The following DNAJB1 variants were observed in gnomAD, a reference collection of about 807,000 sequenced individuals.
DNAJB1 encodes DnaJ heat shock protein family (Hsp40) member B1.
In DNAJB1, 14 loss-of-function variants were observed where a neutral mutation model predicts 24.0. The observed-to-expected ratio is 0.58, with a 90% CI of 0.39 to 0.91. The LOEUF (loss-of-function observed/expected upper bound fraction) is 0.91, where lower values mean the gene tolerates loss of function less well. Ranked by LOEUF, DNAJB1 falls within the 40% of genes least tolerant of loss-of-function variation. The pLI is 0.00. For missense variants in DNAJB1, 517 were observed against 458.1 expected (o/e 1.13, Z -1.17); for synonymous variants, 262 against 174.4 (o/e 1.50, Z -3.96).
At chr19:14,533,225 A>G (rs2072739201), upstream of DNAJB1, among the ~76,000 whole-genome samples, 1 of 152,196 alleles carries the variant, frequency 6.6e-6, no homozygotes, top group Admixed American at 6.6e-5. Context: ...GTTTGAGACC[A>G]GCCTGGCCAA....
intron 2 of DNAJB1, 59 bp downstream of exon 2, chr19:14,516,407 A>G: frequency 6.5e-7 from 1 of 1,545,294 alleles, no homozygotes; most frequent in South Asian, 1.2e-5. Context: ...AGCAAATACT[A>G]AACTGCTTCA....
rs533380690 is a variant in DNAJB1, at chr19:14,537,744, GTTT to G, written c.-213-9937_-213-9935del. Among the ~76,000 whole-genome samples the G allele has an allele frequency of 5.1e-3, 641 of 126,212 alleles. 2 individuals are homozygous for G. Among genetic ancestry groups the G allele is most frequent in the African/African-American group, 0.013 (453 of 34,128 alleles). The allele number at this position is 126,212 out of a possible 152,430, so 82.8% of individuals were successfully genotyped here. ...GTGAATATAGTGCTTAATTATCAGT[GTTT>G]TTTTTTTTTTTTTTTTGAGACGAAG... is the stretch of plus-strand genomic sequence containing the variant. On this transcript the variant is annotated intron_variant, in intron 1 of 3. Transcript: ENST00000676982.
upstream of DNAJB1, chr19:14,518,456 AGCCCCCTCCAGAACCTTCCGCCCCGCCC>A (rs2146525111): frequency 2.1e-6 from 2 of 932,376 alleles, no homozygotes; most frequent in East Asian, 3.3e-5. Flanking sequence ...AGAGCCCGCC[AGCCCCCTCCAGAACCTTCCGCCCCGCCC>A]GCCCCCGCGG....
At position 14,514,916 on chromosome 19, in the gene DNAJB1, C is replaced by T. The variant is rs1328718801; in HGVS notation, c.*1024G>A. 6.6e-6 allele frequency: 1 copy of T among 152,620 alleles called. No homozygotes were observed. Among genetic ancestry groups the T allele is most frequent in the Non-Finnish European group, 1.5e-5 (1 of 68,080 alleles). The allele number at this position is 152,620 out of a possible 1,614,324, so 9.5% of individuals were successfully genotyped here. The stretch of plus-strand genomic sequence containing the variant: ...GGAACAGACATTTGTTCCAACTCCC[C>T]TTCCCTCCCCAAGATTTCTTCAGAA... On this transcript the variant is annotated 3_prime_UTR_variant, in exon 3 of 3. Transcript: ENST00000254322.
At chr19:14,556,516 C>T (rs996378502) in intron 1 of DNAJB1, among the ~76,000 whole-genome samples, 2 of 152,120 alleles carry the variant, frequency 1.3e-5, no homozygotes, top group Non-Finnish European at 2.9e-5. Context: ...CTGCCCCCAC[C>T]CCCTGCTTGC....
Position 14,518,252 on chromosome 19 carries a change from G to A in DNAJB1, c.98C>T (p.Pro33Leu), listed in dbSNP as rs1002030787. 2 of 1,608,100 alleles carry A rather than the reference G, an allele frequency of 1.2e-6. No homozygotes were observed. The highest frequency in any genetic ancestry group is 1.7e-6 in the Non-Finnish European group (2 of 1,177,896). ...GGCGCCGGGCTCCTTGTTCTTGTCC[G>A]GGTGGTAGCGCAGCGCCTGGCGGCG... ...AYRRQALRYHPDKNKEPGAEE... is the reference protein window; with the variant it reads ...AYRRQALRYHLDKNKEPGAEE... Residue 33 changes from proline (P) to leucine (L), a missense_variant, in exon 1 of 3, where the codon CCG (proline) becomes CTG (leucine). By Grantham distance (98) the Pro-to-Leu change is moderately conservative. Transcript: ENST00000254322.
intron 1 of DNAJB1, among the ~76,000 whole-genome samples, chr19:14,541,128 T>G (rs1038550065): frequency 6.6e-6 from 1 of 152,116 alleles, no homozygotes; most frequent in Non-Finnish European, 1.5e-5. Flanking sequence ...TCCCGGCCAG[T>G]GCCTGGCTAA....
upstream of DNAJB1, among the ~76,000 whole-genome samples, chr19:14,552,178 T>C (rs1420154384): frequency 4.0e-5 from 6 of 149,766 alleles, no homozygotes; most frequent in East Asian, 1.9e-4. Context: ...TTTTCTTTTT[T>C]TTTTTTTTTG....
chr19:14,545,058 C>G, intron 1 of DNAJB1: 1 of 456,504 alleles, frequency 2.2e-6, no homozygotes, highest in Non-Finnish European at 4.4e-6. Context: ...GTTTCTAAGC[C>G]TCTCACCACT....
chr19:14,553,525 T>C (rs1225434613), upstream of DNAJB1, among the ~76,000 whole-genome samples: 1 of 152,144 alleles, frequency 6.6e-6, no homozygotes, highest in Non-Finnish European at 1.5e-5. Context: ...GTGGTATTTC[T>C]GGCCGAGCAG....
At chr19:14,543,415 ATATATTTTTTTTTTTTTTTTTTTTTTT>A (rs1265630705) in intron 1 of DNAJB1, among the ~76,000 whole-genome samples, 34 of 9,488 alleles carry the variant, frequency 3.6e-3, no homozygotes, top group Non-Finnish European at 2.6e-3. Flanking sequence ...ATATATATAT[ATATATTTTTTTTTTTTTTTTTTTTTTT>A]TTTTTTTTTT....
intron 2 of DNAJB1, chr19:14,527,687 C>A (rs2072456131): frequency 6.6e-6 from 1 of 152,210 alleles, no homozygotes; most frequent in Admixed American, 6.6e-5. Flanking sequence ...ACTGACTCAC[C>A]CTTGCCTCCG....
chr19:14,522,219 G>T (rs935264383), upstream of DNAJB1, among the ~76,000 whole-genome samples: 1 of 152,058 alleles, frequency 6.6e-6, no homozygotes, highest in African/African-American at 2.4e-5. Context: ...ATGTTGATGC[G>T]GTTAGGTTAG....
chr19:14,550,797 C>T (rs1372438795), upstream of DNAJB1, among the ~76,000 whole-genome samples: 1 of 151,922 alleles, frequency 6.6e-6, no homozygotes, highest in Non-Finnish European at 1.5e-5. Flanking sequence ...TCTCCTGTCT[C>T]AGCCTCCCCC....
At chr19:14,553,507 T>G (rs568376484), upstream of DNAJB1, among the ~76,000 whole-genome samples, 20 of 152,142 alleles carry the variant, frequency 1.3e-4, no homozygotes, top group Non-Finnish European at 2.4e-4. Context: ...CTGAGGCCAC[T>G]GGGGAAGGTG....
upstream of DNAJB1, among the ~76,000 whole-genome samples, chr19:14,551,968 TCTCTTTCTCTC>T (rs2146604246): frequency 8.2e-6 from 1 of 121,870 alleles, no homozygotes; most frequent in African/African-American, 3.0e-5. Context: ...TCTCTCTCTC[TCTCTTTCTCTC>T]TTTTTTTTTT....
rs118141661 is a variant in DNAJB1, at chr19:14,559,742, G to A, written c.-2166+289C>T. Among the ~76,000 whole-genome samples the A allele has an allele frequency of 5.6e-3, 848 of 151,368 alleles. 8 individuals carry two copies. Among genetic ancestry groups the A allele is most frequent in the Non-Finnish European group, 9.2e-3 (627 of 67,900 alleles). On this transcript the variant is annotated intron_variant, in intron 1 of 5. Transcript: ENST00000679223. ...GCGGAGGTTGCAGTGAGTCAAGATC[G>A]CACTGCTGCACTCCAACCTGGGCGA...
chr19:14,535,533 A>AT (rs2072842291), intron 1 of DNAJB1, among the ~76,000 whole-genome samples: 3 of 62,036 alleles, frequency 4.8e-5, no homozygotes, highest in African/African-American at 2.4e-4. Flanking sequence ...AAAAAAAAAA[A>AT]AAAAAAAAAA....
At chr19:14,521,694 T>C (rs2072362157), upstream of DNAJB1, among the ~76,000 whole-genome samples, 1 of 151,856 alleles carries the variant, frequency 6.6e-6, no homozygotes, top group African/African-American at 2.4e-5. Context: ...CGATCTCAGC[T>C]CACTGCAACC....
Sources: allele counts gnomAD v4.1 joint callset (sites outside exome capture counted in the v4.1 genomes callset), GRCh38; gene constraint gnomAD v4.1.1; transcripts MANE v1.5; gene names NCBI Gene and HGNC (gene_info 2026-07-23, HGNC 2026-07-21).